The following SLC24A3 variants were observed in gnomAD, a reference collection of about 807,000 sequenced individuals.
SLC24A3 encodes sodium/potassium/calcium exchanger 3.
Under a neutral mutation model 75.8 loss-of-function variants are expected in SLC24A3, and 28 were observed. The ratio of observed to expected loss-of-function variants is 0.37; its 90% CI spans 0.27 to 0.51. The LOEUF is 0.51. Ranked by LOEUF, SLC24A3 falls within the 20% of genes least tolerant of loss-of-function variation. SLC24A3 has a pLI of 0.94. For missense variants in SLC24A3, 663 were observed against 847.8 expected (o/e 0.78, Z 2.71); for synonymous variants, 372 against 334.1 (o/e 1.11, Z -1.24).
Position 19,592,793 on chromosome 20 carries a change from C to CTTTTTTTTTTT in SLC24A3, c.612+7252_612+7253insTTTTTTTTTTT, listed in dbSNP as rs11471623. On this transcript the variant is annotated intron_variant, in intron 6 of 16. Transcript: ENST00000328041. ...TCTTCGGCAAAAATTTTCTTTCTTT[C>CTTTTTTTTTTT]TTTCTTTTTTTTTTTTTTTTGAGAT... is the stretch of plus-strand genomic sequence containing the variant. 5.8e-5 allele frequency among the ~76,000 whole-genome samples: 7 copies of CTTTTTTTTTTT among 119,690 alleles called. 1 individual carries two copies. Among genetic ancestry groups the CTTTTTTTTTTT allele is most frequent in the Non-Finnish European group, 6.8e-5 (4 of 58,656 alleles). 78.5% of individuals were successfully genotyped at this position (119,690 alleles called of 152,430 possible).
chr20:19,454,210 A>G (rs1600235956), intron 2 of SLC24A3, among the ~76,000 whole-genome samples: 1 of 152,094 alleles, frequency 6.6e-6, no homozygotes, highest in Non-Finnish European at 1.5e-5. Context: ...CTTCCTGCCC[A>G]TCTAAGGAGT....
chr20:19,672,612 C>G (rs554513402), intron 8 of SLC24A3, among the ~76,000 whole-genome samples: 25 of 152,244 alleles, frequency 1.6e-4, no homozygotes, highest in African/African-American at 6.0e-4. Flanking sequence ...GCTGGGATTA[C>G]AGGAGCGGGT....
rs533210215 is a variant in SLC24A3 at position 19,315,270 on chromosome 20, A to G, written c.271+34183A>G. Among the ~76,000 whole-genome samples, 6 of 152,302 alleles carry G rather than the reference A, an allele frequency of 3.9e-5. No homozygotes were observed. The South Asian group carries it at 1.2e-3, about 32-fold the overall frequency. ...AGGCATGTTTTAAATGGGAAATGGAAAGGAGGCTGCGGCAGCAGCCTGGCA... is the reference window on the plus strand; with the variant it reads ...AGGCATGTTTTAAATGGGAAATGGAGAGGAGGCTGCGGCAGCAGCCTGGCA... On this transcript the variant is annotated intron_variant, in intron 2 of 16. Transcript: ENST00000328041.
chr20:19,369,522 A>G (rs1280637509), intron 2 of SLC24A3, among the ~76,000 whole-genome samples: 2 of 152,220 alleles, frequency 1.3e-5, no homozygotes, highest in Non-Finnish European at 2.9e-5. Context: ...TCTTGTAAAG[A>G]CATTAATGAT....
intron 6 of SLC24A3, among the ~76,000 whole-genome samples, chr20:19,629,888 G>A (rs1372153902): frequency 1.3e-5 from 2 of 152,124 alleles, no homozygotes; most frequent in Non-Finnish European, 2.9e-5. Context: ...TGCCCTACAA[G>A]AAATACTGAA....
intron 2 of SLC24A3, among the ~76,000 whole-genome samples, chr20:19,392,258 T>A (rs991883114): frequency 1.3e-5 from 2 of 152,174 alleles, no homozygotes; most frequent in African/African-American, 4.8e-5. Flanking sequence ...GGCCCTCTGA[T>A]CACCTGTGGG....
chr20:19,463,364 G>A (rs189099018), intron 2 of SLC24A3, among the ~76,000 whole-genome samples: 48 of 152,242 alleles, frequency 3.2e-4, no homozygotes, highest in African/African-American at 9.1e-4. Flanking sequence ...CCAGTCTCTC[G>A]ATCCGTTAAC....
chr20:19,343,061 C>T (rs559771005), intron 2 of SLC24A3, among the ~76,000 whole-genome samples: 1 of 125,056 alleles, frequency 8.0e-6, no homozygotes, highest in Non-Finnish European at 1.6e-5. Flanking sequence ...CAGAACGAGA[C>T]TCCATCTCAA....
intron 2 of SLC24A3, among the ~76,000 whole-genome samples, chr20:19,490,011 G>A (rs560495888): frequency 1.3e-5 from 2 of 152,172 alleles, no homozygotes; most frequent in African/African-American, 4.8e-5. Flanking sequence ...TGGTGTATCT[G>A]GTTGGGGGGA....
At chr20:19,253,198 C>G (rs1982714105) in intron 1 of SLC24A3, among the ~76,000 whole-genome samples, 1 of 152,186 alleles carries the variant, frequency 6.6e-6, no homozygotes, top group South Asian at 2.1e-4. Flanking sequence ...CTCACATTCT[C>G]TAGGGGTTTG....
chr20:19,472,522 A>G (rs1408565880), intron 2 of SLC24A3, among the ~76,000 whole-genome samples: 1 of 152,336 alleles, frequency 6.6e-6, no homozygotes, highest in East Asian at 1.9e-4. Context: ...AAACCAAGCC[A>G]GAAGTCAAGT....
In SLC24A3 at chr20:19,212,949, T is replaced by C; in HGVS notation, c.107T>C (p.Leu36Pro). 7.5e-7 allele frequency: 1 copy of C among 1,329,314 alleles called. No individual in the cohort carries two copies. Among genetic ancestry groups the C allele is most frequent in the South Asian group, 2.3e-5 (1 of 43,204 alleles). The allele number at this position is 1,329,314 out of a possible 1,614,324, so 82.3% of individuals were successfully genotyped here. Reference sequence around the variant, plus strand: ...TGCTTCCTGGCCTCGGTGGCGCTGCTGCTCTGGTCGCTGTCGAGCCTGCGA... The same window carrying C: ...TGCTTCCTGGCCTCGGTGGCGCTGCCGCTCTGGTCGCTGTCGAGCCTGCGA... ...QLCFLASVAL[L>P]LWSLSSLREQ... is the part of the protein sequence containing the mutation. The change falls in exon 1 of 17, where the codon CTG (leucine) becomes CCG (proline). Residue 36 changes from leucine to proline, a missense_variant. Around this residue, in one of 2 missense-constraint regions of SLC24A3, gnomAD observed 153 missense variants for 144.2 expected, o/e 1.06. Transcript: ENST00000328041.
intron 2 of SLC24A3, among the ~76,000 whole-genome samples, chr20:19,303,525 C>T (rs6045980): frequency 0.37 from 56,060 of 151,860 alleles, 10,703 homozygotes; most frequent in Middle Eastern, 0.56. Flanking sequence ...GGGTGTATAC[C>T]CAATAATGGG....
At chr20:19,605,110 C>T (rs1441896526) in intron 6 of SLC24A3, among the ~76,000 whole-genome samples, 9 of 152,290 alleles carry the variant, frequency 5.9e-5, no homozygotes, top group South Asian at 2.1e-4. Flanking sequence ...AAAAAAAACA[C>T]GTTGGCCTCA....
chr20:19,308,327 T>C (rs990097), intron 2 of SLC24A3, among the ~76,000 whole-genome samples: 23,647 of 152,222 alleles, frequency 0.16, 4,491 homozygotes, highest in African/African-American at 0.43. Context: ...ATTGCTCAAA[T>C]GGACCTTGCA....
chr20:19,468,954 A>C (rs1478428568), intron 2 of SLC24A3, among the ~76,000 whole-genome samples: 1 of 152,208 alleles, frequency 6.6e-6, no homozygotes, highest in Non-Finnish European at 1.5e-5. Flanking sequence ...TGGAGCCCTG[A>C]GGGTTCTAGA....
Position 19,537,593 on chromosome 20 carries a change from C to T in SLC24A3, c.348+22029C>T, listed in dbSNP as rs561738354. ...ACATGCACACGTATGTTTATTGCAG[C>T]ACTATTCACAATAGCAAAGACTTGG... On this transcript the variant is annotated intron_variant, in intron 3 of 16. Transcript: ENST00000328041. Among the ~76,000 whole-genome samples, 9 of 152,256 alleles carry T rather than the reference C, an allele frequency of 5.9e-5. No homozygotes were observed. In the South Asian group the frequency reaches 1.7e-3, roughly 28 times the overall value.
chr20:19,651,578 G>A (rs923595481), intron 6 of SLC24A3, among the ~76,000 whole-genome samples: 55 of 151,818 alleles, frequency 3.6e-4, no homozygotes, highest in African/African-American at 9.9e-4. Flanking sequence ...ATGCATGTCC[G>A]GCCAGGCGCC....
chr20:19,640,674 C>T (rs1274448926), intron 6 of SLC24A3, among the ~76,000 whole-genome samples: 4 of 152,004 alleles, frequency 2.6e-5, no homozygotes, highest in Non-Finnish European at 4.4e-5. Flanking sequence ...CACTTCAACC[C>T]GGGAGGCGAA....
Sources: allele counts gnomAD v4.1 joint callset (sites outside exome capture counted in the v4.1 genomes callset), GRCh38; gene constraint gnomAD v4.1.1; regional missense constraint gnomAD v4.1.1; transcripts MANE v1.5; gene names NCBI Gene and HGNC (gene_info 2026-07-23, HGNC 2026-07-21).